The following AP1B1 variants were observed in gnomAD, a reference collection of about 807,000 sequenced individuals.
AP1B1 encodes the protein AP-1 complex subunit beta-1.
A neutral mutation model predicts 104.3 loss-of-function variants in AP1B1; 36 were observed. That is an observed-to-expected ratio of 0.35 (90% CI 0.26 to 0.46). The LOEUF is 0.46. Ranked by LOEUF, AP1B1 falls within the 20% of genes least tolerant of loss-of-function variation. The pLI is 1.00. For synonymous variants in AP1B1, 504 were observed against 517.5 expected, an observed-to-expected ratio of 0.97 and a Z score of 0.35; for missense variants, 901 against 1,247.9, an observed-to-expected ratio of 0.72 and a Z score of 4.19.
intron 10 of AP1B1, 96 bp from the exon 11 acceptor site, chr22:29,349,479 C>A (rs1050879602): frequency 7.5e-7 from 1 of 1,340,458 alleles, no homozygotes; most frequent in Non-Finnish European, 1.0e-6. Flanking sequence ...GGACCTGCCT[C>A]CTAAGACCCC....
At chr22:29,331,738 G>C in intron 18 of AP1B1, 49 bp downstream of exon 18, 1 of 1,614,060 alleles carries the variant, frequency 6.2e-7, no homozygotes, top group Non-Finnish European at 8.5e-7. Flanking sequence ...AGTGGGGCCC[G>C]GCTGGTAGGT....
intron 17 of AP1B1, among the ~76,000 whole-genome samples, chr22:29,332,731 CT>C (rs1329544004): frequency 3.0e-4 from 46 of 152,310 alleles, no homozygotes; most frequent in African/African-American, 1.1e-3. Flanking sequence ...TTTGGGCTGT[CT>C]GACCCCAGCC....
chr22:29,380,105 G>A (rs936729333), intron 1 of AP1B1, among the ~76,000 whole-genome samples: 14 of 152,156 alleles, frequency 9.2e-5, no homozygotes, highest in African/African-American at 3.4e-4. Context: ...AAGACACAAT[G>A]GTCATGTCAA....
At chr22:29,367,350 A>G in intron 1 of AP1B1, 80 bp from the exon 2 acceptor site, 1 of 587,946 alleles carries the variant, frequency 1.7e-6, no homozygotes, top group Non-Finnish European at 2.9e-6. Flanking sequence ...GAGGAGAAGG[A>G]TCCAGAACAC....
chr22:29,340,189 C>T (rs2061693468), intron 14 of AP1B1, among the ~76,000 whole-genome samples: 1 of 152,192 alleles, frequency 6.6e-6, no homozygotes, highest in Non-Finnish European at 1.5e-5. Context: ...TACTGTCTTC[C>T]CACTCCCCTC....
chr22:29,366,328 A>T (rs952898923), intron 2 of AP1B1, among the ~76,000 whole-genome samples: 1 of 152,210 alleles, frequency 6.6e-6, no homozygotes, highest in Non-Finnish European at 1.5e-5. Flanking sequence ...AATGAAAAAC[A>T]GGATTAAAAC....
chr22:29,385,275 A>G (rs531237236), intron 1 of AP1B1, among the ~76,000 whole-genome samples: 1 of 152,310 alleles, frequency 6.6e-6, no homozygotes, highest in African/African-American at 2.4e-5. Context: ...AGTACTAGCT[A>G]CTTGGGAGGC....
intron 17 of AP1B1, chr22:29,332,460 G>A (rs1226091465): frequency 6.6e-6 from 1 of 152,496 alleles, no homozygotes; most frequent in African/African-American, 2.4e-5. Context: ...AAGCAGCACA[G>A]TGACAAATTA....
In AP1B1 at chr22:29,341,622, G is replaced by C. The variant is rs1311479542; in HGVS notation, c.1675C>G (p.Leu559Val). 6.2e-7 allele frequency: 1 copy of C among 1,614,128 alleles called. No individual in the cohort carries two copies. The highest frequency in any genetic ancestry group is 8.5e-7 in the Non-Finnish European group (1 of 1,180,040). ...SEETDLIEPT[L>V]LDELICYIGT... is the part of the protein sequence containing the mutation. The stretch of plus-strand genomic sequence containing the variant: ...ATGTAGCAGATAAGCTCGTCTAACA[G>C]TGTGGGCTCGATGAGGTCCGTCTCT... Residue 559 changes from leucine (L) to valine (V), a missense_variant, in exon 13 of 23, where the codon CTG (leucine) becomes GTG (valine). Physicochemically the swap from Leu to Val is conservative, Grantham distance 32. Transcript: ENST00000357586.
At chr22:29,385,147 G>A (rs1311112474) in intron 1 of AP1B1, among the ~76,000 whole-genome samples, 5 of 152,196 alleles carry the variant, frequency 3.3e-5, no homozygotes, top group African/African-American at 1.2e-4. Context: ...CACTTTGGGA[G>A]GCCCAGACAG....
chr22:29,356,713 C>T, intron 5 of AP1B1, 97 bp from the exon 6 acceptor site: 2 of 1,212,000 alleles, frequency 1.7e-6, no homozygotes, highest in Admixed American at 4.0e-5. Context: ...GTCAAATATC[C>T]TGAAAGGAAT....
chr22:29,382,824 G>C (rs2062458639), intron 1 of AP1B1, among the ~76,000 whole-genome samples: 1 of 152,182 alleles, frequency 6.6e-6, no homozygotes, highest in South Asian at 2.1e-4. Flanking sequence ...AGTGGGTCAG[G>C]AAGTCACAGG....
chr22:29,334,507 G>T, intron 16 of AP1B1, 97 bp from the exon 17 acceptor site: 1 of 1,364,592 alleles, frequency 7.3e-7, no homozygotes, highest in Non-Finnish European at 9.7e-7. Flanking sequence ...TCTCTCTCCT[G>T]CAGGGGCCTC....
rs1367183263 is a variant in AP1B1 at position 29,341,411 on chromosome 22, G to A, written c.1796+90C>T. 1.1e-5 allele frequency: 17 copies of A among 1,503,310 alleles called. 1 individual carries two copies. Among genetic ancestry groups the A allele is most frequent in the Non-Finnish European group, 1.5e-5 (17 of 1,109,282 alleles). The allele number at this position is 1,503,310 out of a possible 1,614,324, so 93.1% of individuals were successfully genotyped here. ...GTTTTCCTCAGACTCAGGTCTTGCT[G>A]GGGGACAACACGCCAGGCCTGAGTG... On this transcript the variant is annotated intron_variant, in intron 13 of 22. Coordinates refer to ENST00000357586, the MANE Select transcript of AP1B1 (RefSeq NM_001127.4).
intron 5 of AP1B1, among the ~76,000 whole-genome samples, chr22:29,357,527 A>C (rs1054421480): frequency 6.6e-6 from 1 of 151,532 alleles, no homozygotes; most frequent in African/African-American, 2.4e-5. Flanking sequence ...CACCATGCCC[A>C]GCTAATTTTT....
intron 21 of AP1B1, 190 bp downstream of exon 21, chr22:29,330,188 T>A: frequency 1.4e-6 from 2 of 1,448,134 alleles, no homozygotes; most frequent in Non-Finnish European, 1.8e-6. Context: ...ACCCAATTGG[T>A]GTCTTATCTG....
chr22:29,382,583 T>C (rs1298966594), intron 1 of AP1B1, among the ~76,000 whole-genome samples: 2 of 151,368 alleles, frequency 1.3e-5, no homozygotes, highest in Non-Finnish European at 2.9e-5. Context: ...ATAAACACAA[T>C]GGAGGCAAAA....
At chr22:29,370,278 C>T (rs538824459) in intron 1 of AP1B1, among the ~76,000 whole-genome samples, 30 of 151,608 alleles carry the variant, frequency 2.0e-4, no homozygotes, top group Non-Finnish European at 4.3e-4. Flanking sequence ...CATAGTGAAA[C>T]CCCGTCGCTA....
intron 1 of AP1B1, among the ~76,000 whole-genome samples, chr22:29,388,209 G>C (rs533273821): frequency 2.6e-5 from 4 of 152,220 alleles, no homozygotes; most frequent in Non-Finnish European, 5.9e-5. Context: ...GGTGCTGCGG[G>C]TATGGGGCGG....
Sources: gnomAD v4.1 joint callset for allele counts (sites outside exome capture counted in the v4.1 genomes callset) on GRCh38, gnomAD v4.1.1 for gene constraint, MANE v1.5 for transcripts, NCBI Gene and HGNC (gene_info 2026-07-23, HGNC 2026-07-21) for gene names.